Variants in ANKS1B observed in about 807,000 individuals in gnomAD.
The protein encoded by ANKS1B is ankyrin repeat and sterile alpha motif domain containing 1B, also known as ankyrin repeat and sterile alpha motif domain-containing protein 1B.
ANKS1B carries 36 observed loss-of-function variants against 148.3 expected under a neutral mutation model. The ratio of observed to expected loss-of-function variants is 0.24; its 90% CI spans 0.19 to 0.32. The LOEUF is 0.32. Ranked by LOEUF, ANKS1B falls within the 10% of genes least tolerant of loss-of-function variation. The pLI, the probability that ANKS1B is intolerant of heterozygous loss-of-function variation, is 1.00. For missense variants in ANKS1B, 1,157 were observed against 1,542.6 expected, an observed-to-expected ratio of 0.75 and a Z score of 4.19; for synonymous variants, 542 against 560.8, an observed-to-expected ratio of 0.97 and a Z score of 0.47.
At chr12:99,733,402 T>C (rs529420595) in intron 8 of ANKS1B, among the ~76,000 whole-genome samples, 1 of 152,230 alleles carries the variant, frequency 6.6e-6, no homozygotes, top group African/African-American at 2.4e-5. Flanking sequence ...GTGAGAAAAT[T>C]AAAAGCTTGC....
chr12:98,941,535 A>G (rs1398904793), intron 17 of ANKS1B, among the ~76,000 whole-genome samples: 1 of 152,164 alleles, frequency 6.6e-6, no homozygotes, highest in African/African-American at 2.4e-5. Context: ...CCCACAAATA[A>G]CTGAAATGCA....
At chr12:99,356,260 CA>C (rs1486246671) in intron 12 of ANKS1B, among the ~76,000 whole-genome samples, 1 of 152,140 alleles carries the variant, frequency 6.6e-6, no homozygotes, top group African/African-American at 2.4e-5. Context: ...AATGCTGTGC[CA>C]GCGTAAGTTG....
intron 15 of ANKS1B, among the ~76,000 whole-genome samples, chr12:99,087,409 G>A (rs1056473106): frequency 2.6e-5 from 4 of 152,088 alleles, no homozygotes; most frequent in Admixed American, 2.0e-4. Context: ...GGAGGAAGCA[G>A]AATGATCCAG....
At chr12:98,892,644 T>C (rs894263538) in intron 17 of ANKS1B, among the ~76,000 whole-genome samples, 2 of 152,234 alleles carry the variant, frequency 1.3e-5, no homozygotes, top group African/African-American at 2.4e-5. Context: ...TCAGAGATTA[T>C]CACTTTAAAC....
chr12:99,654,932 G>C (rs2098443050), intron 9 of ANKS1B, 135 bp downstream of exon 9: 1 of 989,040 alleles, frequency 1.0e-6, no homozygotes, highest in African/African-American at 1.6e-5. Context: ...TTGACACTTT[G>C]AGAAAAACCA....
intron 9 of ANKS1B, among the ~76,000 whole-genome samples, chr12:99,513,687 T>C (rs1273368617): frequency 1.3e-5 from 2 of 152,018 alleles, no homozygotes; most frequent in Admixed American, 6.6e-5. Flanking sequence ...CCTCAAGTCC[T>C]ATACTTTGCC....
At chr12:99,869,884 T>C (rs1291679565) in intron 1 of ANKS1B, among the ~76,000 whole-genome samples, 3 of 152,206 alleles carry the variant, frequency 2.0e-5, no homozygotes, top group Non-Finnish European at 4.4e-5. Context: ...TCATGACCTT[T>C]ATATAAGCAA....
At chr12:99,434,320 A>G (rs1417789907) in intron 11 of ANKS1B, among the ~76,000 whole-genome samples, 1 of 152,030 alleles carries the variant, frequency 6.6e-6, no homozygotes, top group Non-Finnish European at 1.5e-5. Flanking sequence ...TTGCAAGGAA[A>G]TTTTTTCCCA....
intron 1 of ANKS1B, among the ~76,000 whole-genome samples, chr12:99,894,850 T>C (rs888628101): frequency 6.7e-6 from 1 of 150,234 alleles, no homozygotes; most frequent in African/African-American, 2.4e-5. Flanking sequence ...ATAGGCTTTG[T>C]GTTAGATGAT....
chr12:99,628,075 T>C (rs2098126902), intron 9 of ANKS1B, among the ~76,000 whole-genome samples: 1 of 152,160 alleles, frequency 6.6e-6, no homozygotes, highest in Non-Finnish European at 1.5e-5. Context: ...TGGTACAGCC[T>C]ACTACACACC....
At chr12:99,394,955 G>T (rs1000591310) in intron 12 of ANKS1B, among the ~76,000 whole-genome samples, 1 of 152,104 alleles carries the variant, frequency 6.6e-6, no homozygotes, top group Non-Finnish European at 1.5e-5. Flanking sequence ...TGTGTCAAAC[G>T]ATAGGAAATT....
intron 16 of ANKS1B, among the ~76,000 whole-genome samples, chr12:99,061,442 G>T (rs1384460409): frequency 6.6e-6 from 1 of 152,204 alleles, no homozygotes; most frequent in Non-Finnish European, 1.5e-5. Flanking sequence ...TATTTGGAGG[G>T]AGGATTGGAG....
At chr12:99,681,898 A>G (rs889227631) in intron 8 of ANKS1B, among the ~76,000 whole-genome samples, 11 of 152,226 alleles carry the variant, frequency 7.2e-5, no homozygotes, top group African/African-American at 2.7e-4. Context: ...GGACTCACAT[A>G]AACTTAAGGA....
intron 17 of ANKS1B, among the ~76,000 whole-genome samples, chr12:99,027,992 AG>A (rs1196291329): frequency 1.3e-5 from 2 of 152,254 alleles, no homozygotes; most frequent in African/African-American, 2.4e-5. Context: ...AGAATAATCA[AG>A]GAACAAGTTG....
At chr12:99,667,254 C>A (rs943396301) in intron 8 of ANKS1B, among the ~76,000 whole-genome samples, 5 of 151,716 alleles carry the variant, frequency 3.3e-5, no homozygotes, top group African/African-American at 1.2e-4. Flanking sequence ...GAGGCTGAGG[C>A]AGGAGAATCA....
chr12:98,859,802 C>T (rs182640843), intron 17 of ANKS1B, among the ~76,000 whole-genome samples: 13 of 152,276 alleles, frequency 8.5e-5, no homozygotes, highest in Non-Finnish European at 1.3e-4. Flanking sequence ...TGGGAAAGCT[C>T]TCTAAATTTT....
At chr12:99,108,095 T>C (rs1467279208) in intron 15 of ANKS1B, among the ~76,000 whole-genome samples, 5 of 152,362 alleles carry the variant, frequency 3.3e-5, no homozygotes, top group African/African-American at 7.2e-5. Context: ...CCTGGTAACA[T>C]AGCTACATTA....
intron 15 of ANKS1B, chr12:99,096,985 T>C (rs192212543): frequency 6.6e-6 from 1 of 152,312 alleles, no homozygotes; most frequent in East Asian, 1.9e-4. Flanking sequence ...TTCTACTTGG[T>C]ATTATATGTC....
chr12:99,028,051 G>A (rs2099949803), intron 17 of ANKS1B, among the ~76,000 whole-genome samples: 2 of 152,114 alleles, frequency 1.3e-5, no homozygotes, highest in African/African-American at 2.4e-5. Flanking sequence ...TAGACTAGAT[G>A]TTTATACAAA....
Sources: allele counts gnomAD v4.1 joint callset (sites outside exome capture counted in the v4.1 genomes callset), GRCh38; gene constraint gnomAD v4.1.1; transcripts MANE v1.5; gene names NCBI Gene and HGNC (gene_info 2026-07-23, HGNC 2026-07-21).